Variants in ADGRV1 observed in about 807,000 individuals in gnomAD.
ADGRV1 encodes adhesion G protein-coupled receptor V1, also known as G-protein coupled receptor 98.
A neutral mutation model predicts 596.2 loss-of-function variants in ADGRV1; 359 were observed. The observed-to-expected ratio is 0.60, with a 90% CI of 0.55 to 0.66. The LOEUF is 0.66. Among genes scored for constraint, ADGRV1 ranks in the 30% least tolerant of loss-of-function variants. The probability of loss-of-function intolerance (pLI) is 0.00; values close to 1 mark genes in which losing one functional copy is unlikely to be tolerated. For missense variants in ADGRV1, 7,274 were observed against 7,575.6 expected, an observed-to-expected ratio of 0.96 and a Z score of 1.48; for synonymous variants, 2,681 against 2,679.2, an observed-to-expected ratio of 1.00 and a Z score of -0.02.
At position 90,689,987 on chromosome 5, in the gene ADGRV1, TG is replaced by T. The variant is rs1338315466; in HGVS notation, c.6618del (p.Met2206IlefsTer10). 6.2e-7 allele frequency: 1 copy of T among 1,608,594 alleles called. No homozygotes were observed. The highest frequency in any genetic ancestry group is 1.3e-5 in the African/African-American group (1 of 74,888). On this transcript the variant is annotated frameshift_variant, in exon 30 of 90. Coordinates refer to ENST00000405460, the MANE Select transcript of ADGRV1 (RefSeq NM_032119.4). LOFTEE classifies it high-confidence loss of function. ...ELEESFLVQL[M>X]NETTGGARLG... ...GAAGAATCTTTTCTTGTGCAACTGA[TG>T]AATGAAACAACAGGAGGAGCCAGAC... is the stretch of plus-strand genomic sequence containing the variant.
intron 85 of ADGRV1, among the ~76,000 whole-genome samples, chr5:91,040,819 AC>A (rs1785278960): frequency 6.6e-6 from 1 of 152,218 alleles, no homozygotes; most frequent in Non-Finnish European, 1.5e-5. Context: ...TATAAGTTAT[AC>A]TGAATACAAA....
chr5:91,037,433 A>G (rs572677111), intron 85 of ADGRV1, among the ~76,000 whole-genome samples: 1 of 151,998 alleles, frequency 6.6e-6, no homozygotes, highest in East Asian at 1.9e-4. Context: ...TTGTCTTCCA[A>G]TGTTTGTCCC....
At chr5:90,920,985 C>A (rs1394567265) in intron 83 of ADGRV1, among the ~76,000 whole-genome samples, 1 of 152,130 alleles carries the variant, frequency 6.6e-6, no homozygotes, top group East Asian at 1.9e-4. Context: ...ATCATGTGAA[C>A]TATGTAAAAA....
At chr5:90,862,177 A>G (rs557159305) in intron 82 of ADGRV1, among the ~76,000 whole-genome samples, 2 of 152,352 alleles carry the variant, frequency 1.3e-5, no homozygotes, top group African/African-American at 4.8e-5. Context: ...GCTATAAGTA[A>G]GCTCTTCTTG....
At chr5:91,073,941 A>T (rs941587006) in intron 86 of ADGRV1, among the ~76,000 whole-genome samples, 3 of 152,152 alleles carry the variant, frequency 2.0e-5, no homozygotes, top group Non-Finnish European at 4.4e-5. Context: ...CAGGCGATCC[A>T]CCTGCTTCAG....
At chr5:91,019,043 T>C (rs1203923064) in intron 85 of ADGRV1, among the ~76,000 whole-genome samples, 1 of 151,968 alleles carries the variant, frequency 6.6e-6, no homozygotes. Flanking sequence ...AGTTTCTCTT[T>C]TCAACAGTTC....
intron 89 of ADGRV1, among the ~76,000 whole-genome samples, chr5:91,155,846 A>G (rs953120620): frequency 1.3e-5 from 2 of 152,322 alleles, no homozygotes; most frequent in East Asian, 1.9e-4. Flanking sequence ...TGAAGAAATA[A>G]ATTTAGAAGC....
At position 90,759,096 on chromosome 5, in the gene ADGRV1, C is replaced by T. The variant is rs1044191430; in HGVS notation, c.11941-313C>T. Among the ~76,000 whole-genome samples, 3 of 152,054 alleles carry T rather than the reference C, an allele frequency of 2.0e-5. No individual in the cohort carries two copies. The East Asian group carries it at 5.8e-4, about 29-fold the overall frequency. On this transcript the variant is annotated intron_variant, in intron 57 of 89. Coordinates refer to ENST00000405460, the MANE Select transcript of ADGRV1 (RefSeq NM_032119.4). ...TTGTTTTTAATCTGTAAATAATACT[C>T]TTATCACATCAATAATGTTTTATCT...
intron 85 of ADGRV1, among the ~76,000 whole-genome samples, chr5:91,052,773 T>G (rs1786465509): frequency 2.0e-5 from 3 of 152,138 alleles, no homozygotes; most frequent in Non-Finnish European, 4.4e-5. Context: ...TTGTTAAAGA[T>G]GTCTATGTCA....
At chr5:90,970,153 G>A (rs1778832715) in intron 84 of ADGRV1, among the ~76,000 whole-genome samples, 1 of 152,248 alleles carries the variant, frequency 6.6e-6, no homozygotes, top group Admixed American at 6.5e-5. Flanking sequence ...AGATCGAAGT[G>A]CAAGGCAGCA....
intron 85 of ADGRV1, chr5:91,031,437 A>G (rs907408233): frequency 1.3e-6 from 1 of 769,050 alleles, no homozygotes; most frequent in South Asian, 1.6e-5. Flanking sequence ...AGCATTAAAG[A>G]GTCACTCAAC....
intron 83 of ADGRV1, among the ~76,000 whole-genome samples, chr5:90,948,321 G>T (rs866271981): frequency 2.0e-5 from 3 of 152,018 alleles, no homozygotes; most frequent in African/African-American, 7.2e-5. Flanking sequence ...CAAGCAGTGC[G>T]AGTAGGATGA....
At chr5:90,707,462 A>G (rs189168480) in intron 38 of ADGRV1, among the ~76,000 whole-genome samples, 150 of 152,302 alleles carry the variant, frequency 9.8e-4, no homozygotes, top group African/African-American at 3.6e-3. Context: ...TTACAGAATT[A>G]TAAGTGGTGT....
intron 26 of ADGRV1, among the ~76,000 whole-genome samples, chr5:90,680,464 T>G (rs1744795868): frequency 6.6e-6 from 1 of 152,228 alleles, no homozygotes; most frequent in Non-Finnish European, 1.5e-5. Context: ...GGATGCCTTT[T>G]GAAGTAGATT....
At chr5:90,950,133 C>T (rs1284892845) in intron 83 of ADGRV1, among the ~76,000 whole-genome samples, 3 of 152,142 alleles carry the variant, frequency 2.0e-5, no homozygotes, top group Admixed American at 2.0e-4. Context: ...CATGCCACAT[C>T]TTAAACTGCA....
rs1236671098 is a variant in ADGRV1, at chr5:90,684,153, C to A, written c.6232C>A (p.Leu2078Ile). The A allele has an allele frequency of 1.2e-6, 2 of 1,613,436 alleles. No homozygotes were observed. The highest frequency in any genetic ancestry group is 1.3e-5 in the African/African-American group (1 of 74,878). Residue 2078 changes from leucine (L) to isoleucine (I), a missense_variant, in exon 28 of 90, where the codon CTA (leucine) becomes ATA (isoleucine). By Grantham distance (5) the Leu-to-Ile change is conservative (BLOSUM62 2). Transcript: ENST00000405460. ...PERSESVFIE[L>I]LNSTLVAKVQ... ...AAGGTCCGAATCTGTCTTTATCGAA[C>A]TACTCAACTCTACTTTAGTAGCGAA...
At chr5:90,837,283 C>G (rs1281150310) in intron 77 of ADGRV1, among the ~76,000 whole-genome samples, 1 of 152,106 alleles carries the variant, frequency 6.6e-6, no homozygotes, top group African/African-American at 2.4e-5. Flanking sequence ...TAGCTGAAAG[C>G]ACACAAGTTC....
intron 83 of ADGRV1, among the ~76,000 whole-genome samples, chr5:90,933,433 G>C (rs989345426): frequency 1.3e-5 from 2 of 152,170 alleles, no homozygotes; most frequent in African/African-American, 2.4e-5. Flanking sequence ...ATACATTCCA[G>C]ATAAAAGGGC....
rs1310112189 is a variant in ADGRV1 at position 90,628,666 on chromosome 5, A to G, written c.1343A>G (p.Asp448Gly). ...NSTDPSPVTA[D>G]IRPSSGVLHF... ...ACTGATCCCTCACCAGTAACAGCAG[A>G]TATCAGACCGAGCTCTGGAGTTCTC... The change falls in exon 8 of 90, where the codon GAT (aspartate) becomes GGT (glycine). Residue 448 changes from aspartate (D) to glycine (G), a missense_variant. Asp to Gly is a moderately conservative substitution (Grantham distance 94, BLOSUM62 -1). Around this residue, in one of 5 missense-constraint regions of ADGRV1, gnomAD observed 1,715 missense variants for 1,708.8 expected, o/e 1.00. Transcript: ENST00000405460. The G allele has an allele frequency of 8.1e-6, 13 of 1,613,926 alleles. No individual in the cohort carries two copies. The highest frequency in any genetic ancestry group is 4.4e-5 in the South Asian group (4 of 91,084).
Sources: gnomAD v4.1 joint callset for allele counts (sites outside exome capture counted in the v4.1 genomes callset) on GRCh38, gnomAD v4.1.1 for gene constraint, gnomAD v4.1.1 regional missense constraint, MANE v1.5 for transcripts, NCBI Gene and HGNC (gene_info 2026-07-23, HGNC 2026-07-21) for gene names.